OCM: variants seen among roughly 807,000 people sequenced by gnomAD.
The protein encoded by OCM is oncomodulin-1.
Under a neutral mutation model 14.1 loss-of-function variants are expected in OCM, and 18 were observed. The ratio of observed to expected loss-of-function variants is 1.28; its 90% CI spans 0.88 to 1.89. OCM has a LOEUF of 1.89. Ranked by LOEUF, OCM falls within the 40% of genes most tolerant of loss-of-function variation. The pLI is 0.00. For missense variants in OCM, 140 were observed against 137.6 expected, an observed-to-expected ratio of 1.02 and a Z score of -0.09; for synonymous variants, 48 against 51.0, an observed-to-expected ratio of 0.94 and a Z score of 0.25.
In OCM at chr7:5,882,505, T is replaced by C. The variant is rs1175892296; in HGVS notation, c.74T>C (p.Phe25Ser). 1 of 1,614,020 alleles carries C rather than the reference T, an allele frequency of 6.2e-7. No individual in the cohort carries two copies. Reference protein sequence around the residue: ...ALQECRDPDTFEPQKFFQTSG... With the variant: ...ALQECRDPDTSEPQKFFQTSG... ...CTCTGTTCTTCAGACCCAGACACTT[T>C]TGAACCCCAAAAATTCTTCCAGACA... is the stretch of plus-strand genomic sequence containing the variant. Residue 25 changes from phenylalanine (F) to serine (S), a missense_variant, in exon 2 of 4, where the codon TTT becomes TCT. By Grantham distance (155) the Phe-to-Ser change is radical. Coordinates refer to ENST00000242104, the MANE Select transcript of OCM (RefSeq NM_001097622.2).
chr7:5,886,202 T>G lies in OCM; in HGVS notation c.*113T>G. ...CCCTACCTAATTTGTTAATTTTCCC[T>G]GAAAACCTTCTGCAGTTTGCTCATT... On this transcript the variant is annotated 3_prime_UTR_variant, in exon 4 of 4. Coordinates refer to ENST00000242104, the MANE Select transcript of OCM (RefSeq NM_001097622.2). The G allele has an allele frequency of 7.7e-7, 1 of 1,305,244 alleles. No homozygotes were observed. The highest frequency in any genetic ancestry group is 1.1e-6 in the Non-Finnish European group (1 of 925,004). The allele number at this position is 1,305,244 out of a possible 1,614,324, so 80.9% of individuals were successfully genotyped here.
At chr7:5,873,903 T>C in the OCM span, among the ~76,000 whole-genome samples, 1 of 151,716 alleles carries the variant, frequency 6.6e-6, no homozygotes, top group Non-Finnish European at 1.5e-5. Flanking sequence ...CTCCCATACA[T>C]TCAAGAGTTT....
the OCM span, among the ~76,000 whole-genome samples, chr7:5,868,228 C>A: frequency 6.6e-6 from 1 of 152,086 alleles, no homozygotes; most frequent in Non-Finnish European, 1.5e-5. Flanking sequence ...CTCACTACAA[C>A]CTCAACCACC....
chr7:5,879,834 T>C (rs1781172683), upstream of OCM: 2 of 151,466 alleles, frequency 1.3e-5, no homozygotes, highest in South Asian at 2.1e-4. Context: ...AAAGGAAATC[T>C]AAGAGGTTGT....
chr7:5,884,035 A>T, intron 3 of OCM, 36 bp downstream of exon 3: 1 of 1,606,936 alleles, frequency 6.2e-7, no homozygotes, highest in Non-Finnish European at 8.5e-7. Flanking sequence ...AAAACACTCT[A>T]GCTCAGGAAG....
At chr7:5,863,652 C>T in the OCM span, among the ~76,000 whole-genome samples, 2 of 151,842 alleles carry the variant, frequency 1.3e-5, no homozygotes, top group Admixed American at 6.6e-5. Flanking sequence ...CCTGCATCAG[C>T]CTTCCAGGTA....
At chr7:5,860,488 T>TA in the OCM span, among the ~76,000 whole-genome samples, 10 of 141,294 alleles carry the variant, frequency 7.1e-5, 1 homozygote, top group South Asian at 2.2e-3. Flanking sequence ...TATATATACG[T>TA]GTATATATAT....
the OCM span, among the ~76,000 whole-genome samples, chr7:5,862,714 C>T: frequency 6.6e-6 from 1 of 151,978 alleles, no homozygotes; most frequent in Non-Finnish European, 1.5e-5. Flanking sequence ...ATTCACTGGG[C>T]TTAGGATGAA....
the OCM span, among the ~76,000 whole-genome samples, chr7:5,861,376 G>A: frequency 3.3e-5 from 5 of 151,528 alleles, no homozygotes; most frequent in Middle Eastern, 3.4e-3. Flanking sequence ...AGCTGAGATC[G>A]CACCATTGCA....
the OCM span, among the ~76,000 whole-genome samples, chr7:5,865,730 C>T: frequency 6.6e-6 from 1 of 152,178 alleles, no homozygotes; most frequent in African/African-American, 2.4e-5. Flanking sequence ...CAGCTGCGAC[C>T]TGGAAGTCCC....
chr7:5,882,160 A>G (rs1469629088), intron 1 of OCM, among the ~76,000 whole-genome samples: 1 of 147,614 alleles, frequency 6.8e-6, no homozygotes, highest in Non-Finnish European at 1.5e-5. Flanking sequence ...CAGTGATTGC[A>G]TTTCCCCCTA....
the OCM span, among the ~76,000 whole-genome samples, chr7:5,866,150 AG>A: frequency 6.7e-6 from 1 of 150,350 alleles, no homozygotes; most frequent in African/African-American, 2.5e-5. Flanking sequence ...GCAAAACCCC[AG>A]TCTCTACAAA....
chr7:5,878,184 C>T (rs548614746), upstream of OCM, among the ~76,000 whole-genome samples: 216 of 151,240 alleles, frequency 1.4e-3, no homozygotes, highest in African/African-American at 5.1e-3. Flanking sequence ...AGGCTGGTCT[C>T]GAACTCCTGA....
chr7:5,880,463 A>T (rs1781186876), upstream of OCM, among the ~76,000 whole-genome samples: 1 of 152,058 alleles, frequency 6.6e-6, no homozygotes, highest in Non-Finnish European at 1.5e-5. Flanking sequence ...ATCACATTTT[A>T]AAAATTCTAG....
At chr7:5,876,235 C>T (rs569403399), upstream of OCM, among the ~76,000 whole-genome samples, 1 of 152,284 alleles carries the variant, frequency 6.6e-6, no homozygotes, top group South Asian at 2.1e-4. Flanking sequence ...AACTCCTGAC[C>T]TCAGGTAATC....
upstream of OCM, among the ~76,000 whole-genome samples, chr7:5,875,097 C>G (rs896903062): frequency 1.3e-5 from 2 of 149,218 alleles, no homozygotes; most frequent in Non-Finnish European, 1.5e-5. Flanking sequence ...CTCTGTCATC[C>G]AGGCTGGAAT....
At chr7:5,873,990 C>T in the OCM span, among the ~76,000 whole-genome samples, 6 of 150,366 alleles carry the variant, frequency 4.0e-5, no homozygotes, top group East Asian at 5.9e-4. Flanking sequence ...CTGAGGGGGG[C>T]GGACTACTTG....
At chr7:5,866,160 A>C in the OCM span, among the ~76,000 whole-genome samples, 8 of 149,142 alleles carry the variant, frequency 5.4e-5, no homozygotes, top group South Asian at 8.5e-4. Context: ...AGTCTCTACA[A>C]AAAAAAAAAA....
chr7:5,874,420 A>G, the OCM span, among the ~76,000 whole-genome samples: 2 of 151,974 alleles, frequency 1.3e-5, no homozygotes, highest in African/African-American at 4.8e-5. Flanking sequence ...ACAACATATC[A>G]TTATGCATAT....
Sources: gnomAD v4.1 joint callset for allele counts (sites outside exome capture counted in the v4.1 genomes callset) on GRCh38, gnomAD v4.1.1 for gene constraint, MANE v1.5 for transcripts, NCBI Gene and HGNC (gene_info 2026-07-23, HGNC 2026-07-21) for gene names.